The following EYS variants were observed in gnomAD, a reference collection of about 807,000 sequenced individuals.
EYS encodes EGF-like photoreceptor maintenance factor.
EYS carries 250 observed loss-of-function variants against 282.1 expected under a neutral mutation model. The ratio of observed to expected loss-of-function variants is 0.89; its 90% confidence interval spans 0.80 to 0.98. The LOEUF is 0.98. Among genes scored for constraint, EYS ranks in the 50% least tolerant of loss-of-function variants. The pLI is 0.00. For synonymous variants in EYS, 1,355 were observed against 1,282.9 expected (o/e 1.06, Z -1.20); for missense variants, 4,016 against 3,709.0 (o/e 1.08, Z -2.15).
chr6:65,687,966 ATG>A (rs1562328996), intron 1 of EYS, among the ~76,000 whole-genome samples: 1 of 152,232 alleles, frequency 6.6e-6, no homozygotes, highest in East Asian at 1.9e-4. Context: ...TTCCATGCTC[ATG>A]AGTAGGAAGA....
At chr6:64,095,182 T>C (rs1460109697) in intron 31 of EYS, among the ~76,000 whole-genome samples, 1 of 152,212 alleles carries the variant, frequency 6.6e-6, no homozygotes, top group East Asian at 1.9e-4. Flanking sequence ...AACCATGTGG[T>C]CAATTTTGGA....
chr6:65,272,769 G>A (rs1009224137), intron 12 of EYS, among the ~76,000 whole-genome samples: 1 of 152,064 alleles, frequency 6.6e-6, no homozygotes. Flanking sequence ...TCACGGATAA[G>A]TAGAATCAGC....
intron 19 of EYS, among the ~76,000 whole-genome samples, chr6:64,834,434 C>T (rs1057513671): frequency 6.6e-6 from 1 of 151,698 alleles, no homozygotes; most frequent in Non-Finnish European, 1.5e-5. Context: ...TACTGTTCTC[C>T]ATATGGCTAA....
chr6:63,800,791 C>A (rs947442141), intron 37 of EYS, among the ~76,000 whole-genome samples: 24 of 152,084 alleles, frequency 1.6e-4, no homozygotes, highest in African/African-American at 5.8e-4. Context: ...GGTGACAGAG[C>A]GAGACTCCGT....
intron 26 of EYS, among the ~76,000 whole-genome samples, chr6:64,533,065 C>G (rs1181008224): frequency 6.6e-6 from 1 of 152,054 alleles, no homozygotes; most frequent in Non-Finnish European, 1.5e-5. Context: ...TAAAACAATT[C>G]ATATTAGAAA....
intron 22 of EYS, among the ~76,000 whole-genome samples, chr6:64,763,345 G>T (rs1562177970): frequency 1.3e-5 from 2 of 152,112 alleles, no homozygotes; most frequent in Admixed American, 1.3e-4. Context: ...TCATGGCAGA[G>T]GGCAAAAGGG....
At chr6:65,605,447 C>G (rs1271453521) in intron 2 of EYS, among the ~76,000 whole-genome samples, 1 of 151,630 alleles carries the variant, frequency 6.6e-6, no homozygotes, top group South Asian at 2.1e-4. Flanking sequence ...ATACAATGTC[C>G]ACGTGCATAT....
At chr6:64,561,570 T>C (rs1422790402) in intron 26 of EYS, among the ~76,000 whole-genome samples, 1 of 151,910 alleles carries the variant, frequency 6.6e-6, no homozygotes, top group East Asian at 1.9e-4. Context: ...GCAATCCCAT[T>C]CACAGTTGGC....
In EYS at chr6:64,230,653, A is replaced by G. The variant is rs2150337947; in HGVS notation, c.6363T>C (p.Ser2121=). 2 of 1,551,566 alleles carry G rather than the reference A, an allele frequency of 1.3e-6. No individual in the cohort carries two copies. The highest frequency in any genetic ancestry group is 1.7e-6 in the Non-Finnish European group (2 of 1,146,890). ...GGTCHAIFLS[S]GIVSFQCDCP... is the part of the protein sequence containing the mutation. ...AGTCACATTGGAATGACACTATGCC[A>G]CTGGAGAGGAAGATGGCATGGCATG... The change falls in exon 31 of 43, where the codon AGT becomes AGC. Residue 2121 remains serine (S), a synonymous_variant. Transcript: ENST00000503581.
intron 36 of EYS, among the ~76,000 whole-genome samples, chr6:63,808,848 A>G (rs1204140201): frequency 6.6e-6 from 1 of 152,166 alleles, no homozygotes; most frequent in African/African-American, 2.4e-5. Flanking sequence ...TGTAAAATAT[A>G]TTATTAATAA....
At chr6:65,460,653 C>A (rs1764799490) in intron 5 of EYS, among the ~76,000 whole-genome samples, 1 of 152,036 alleles carries the variant, frequency 6.6e-6, no homozygotes, top group South Asian at 2.1e-4. Context: ...CTTCCTTTGG[C>A]AATTTTTCAG....
intron 12 of EYS, 56 bp from the exon 13 acceptor site, chr6:65,057,783 G>A: frequency 8.4e-7 from 1 of 1,192,828 alleles, no homozygotes; most frequent in Non-Finnish European, 1.2e-6. Context: ...CATGTATCAA[G>A]TCGTAATTCT....
chr6:65,511,202 C>G lies in EYS; in HGVS notation c.-332-15209G>C, dbSNP rs533360235. ...AAAAGAGCTGTAGGAAAATAGCACA[C>G]CTGCTGCTTTTCCCACTAATGGTAT... is the stretch of plus-strand genomic sequence containing the variant. On this transcript the variant is annotated intron_variant, in intron 2 of 42. Coordinates refer to ENST00000503581, the MANE Select transcript of EYS (RefSeq NM_001142800.2). Among the ~76,000 whole-genome samples the G allele has an allele frequency of 1.6e-4, 25 of 152,208 alleles. No individual in the cohort carries two copies. In the South Asian group the frequency reaches 3.3e-3, roughly 20 times the overall value.
chr6:63,807,372 G>A (rs1228820741), intron 36 of EYS, among the ~76,000 whole-genome samples: 1 of 152,118 alleles, frequency 6.6e-6, no homozygotes, highest in Non-Finnish European at 1.5e-5. Flanking sequence ...ATTTTTACAA[G>A]CCTTAAGAAA....
chr6:64,735,564 T>C (rs1196278485), intron 22 of EYS, among the ~76,000 whole-genome samples: 1 of 152,238 alleles, frequency 6.6e-6, no homozygotes, highest in Non-Finnish European at 1.5e-5. Context: ...TATTTAAGTA[T>C]TTCTACTACA....
intron 35 of EYS, among the ~76,000 whole-genome samples, chr6:63,946,656 A>G (rs1322234895): frequency 6.6e-6 from 1 of 152,136 alleles, no homozygotes; most frequent in Non-Finnish European, 1.5e-5. Flanking sequence ...TACATAGTAA[A>G]CAGAGTAAAA....
chr6:65,543,899 A>G (rs189044790), intron 2 of EYS, among the ~76,000 whole-genome samples: 29 of 152,226 alleles, frequency 1.9e-4, no homozygotes, highest in Non-Finnish European at 4.4e-5. Flanking sequence ...AGTGAAGGGT[A>G]TGAGGGAGCA....
At chr6:64,182,294 G>A (rs1332798959) in intron 31 of EYS, among the ~76,000 whole-genome samples, 2 of 152,052 alleles carry the variant, frequency 1.3e-5, no homozygotes, top group African/African-American at 4.8e-5. Context: ...CAGATGGCTA[G>A]TTTTTGCCTT....
At chr6:65,703,697 A>G (rs1047920750) in intron 1 of EYS, among the ~76,000 whole-genome samples, 3 of 152,104 alleles carry the variant, frequency 2.0e-5, no homozygotes, top group East Asian at 3.8e-4. Flanking sequence ...GTAATGAAAG[A>G]AAGCTCCTAG....
Sources: gnomAD v4.1 joint callset for allele counts (sites outside exome capture counted in the v4.1 genomes callset) on GRCh38, gnomAD v4.1.1 for gene constraint, MANE v1.5 for transcripts, NCBI Gene and HGNC (gene_info 2026-07-23, HGNC 2026-07-21) for gene names.